RAB11FIP3: variants seen among roughly 807,000 people sequenced by gnomAD.
The protein encoded by RAB11FIP3 is rab11 family-interacting protein 3.
RAB11FIP3 carries 17 observed loss-of-function variants against 77.8 expected under a neutral mutation model. That is an observed-to-expected ratio of 0.22 (90% confidence interval 0.15 to 0.33). The LOEUF (loss-of-function observed/expected upper bound fraction) is 0.33, where lower values mean the gene tolerates loss of function less well. Among genes scored for constraint, RAB11FIP3 ranks in the 10% least tolerant of loss-of-function variants. RAB11FIP3 has a pLI of 1.00. For synonymous variants in RAB11FIP3, 437 were observed against 448.2 expected, an observed-to-expected ratio of 0.98 and a Z score of 0.31; for missense variants, 1,005 against 1,011.2, an observed-to-expected ratio of 0.99 and a Z score of 0.08.
chr16:444,263 G>C (rs971053399), intron 1 of RAB11FIP3, among the ~76,000 whole-genome samples: 4 of 152,162 alleles, frequency 2.6e-5, no homozygotes, highest in African/African-American at 9.7e-5. Context: ...AAAGAACATG[G>C]AAATGCCTAC....
intron 7 of RAB11FIP3, among the ~76,000 whole-genome samples, chr16:503,376 A>G (rs1596287750): frequency 6.6e-6 from 1 of 151,932 alleles, no homozygotes. Flanking sequence ...CGGGTATCCC[A>G]CCCCCACTGT....
At chr16:444,637 C>T (rs2055280702) in intron 1 of RAB11FIP3, among the ~76,000 whole-genome samples, 1 of 151,042 alleles carries the variant, frequency 6.6e-6, no homozygotes, top group Admixed American at 6.6e-5. Context: ...TACTTGAGGT[C>T]AGGAGTTCGA....
chr16:463,748 T>C (rs1567371699), intron 2 of RAB11FIP3, among the ~76,000 whole-genome samples: 1 of 152,112 alleles, frequency 6.6e-6, no homozygotes, highest in Non-Finnish European at 1.5e-5. Context: ...TGTTCCCCAT[T>C]TGTTACTCTT....
rs534692553 is a variant in RAB11FIP3, at chr16:514,225, G to A, written c.1640+3425G>A. Among the ~76,000 whole-genome samples, 20 of 152,356 alleles carry A rather than the reference G, an allele frequency of 1.3e-4. No homozygotes were observed. The highest frequency in any genetic ancestry group is 6.2e-4 in the South Asian group (3 of 4,828). ...TGTGGTTCTCAGGGCTGCTCAGGCC[G>A]TCAGAGGCCCCTGCAGCCCCAGGTC... On this transcript the variant is annotated intron_variant, in intron 9 of 13. Transcript: ENST00000262305. This position sits in a 1 kb window ranked among gnomAD's most constrained non-coding sequence, Gnocchi z 4.6.
intron 8 of RAB11FIP3, among the ~76,000 whole-genome samples, chr16:508,714 C>T (rs771125202): frequency 8.5e-5 from 13 of 152,144 alleles, no homozygotes; most frequent in Non-Finnish European, 1.3e-4. Context: ...CGTCCTTTCG[C>T]TGTGGGAAGA....
chr16:519,691 G>C, intron 10 of RAB11FIP3, 63 bp from the exon 11 acceptor site: 2 of 1,574,896 alleles, frequency 1.3e-6, no homozygotes, highest in Non-Finnish European at 1.7e-6. Flanking sequence ...CAGACGGCCG[G>C]GGCAAGCTGC....
At chr16:496,229 C>G (rs2031115443) in intron 5 of RAB11FIP3, among the ~76,000 whole-genome samples, 1 of 152,174 alleles carries the variant, frequency 6.6e-6, no homozygotes, top group Admixed American at 6.5e-5. Flanking sequence ...CTGTAAAATA[C>G]AACTTTGGAC....
intron 1 of RAB11FIP3, among the ~76,000 whole-genome samples, chr16:452,109 C>A (rs992038109): frequency 1.3e-5 from 2 of 152,052 alleles, no homozygotes; most frequent in Admixed American, 1.3e-4. Flanking sequence ...TGAGATCGCG[C>A]CACTGTACTC....
At chr16:495,339 C>T (rs76565567) in intron 5 of RAB11FIP3, among the ~76,000 whole-genome samples, 1 of 152,142 alleles carries the variant, frequency 6.6e-6, no homozygotes, top group Non-Finnish European at 1.5e-5. Flanking sequence ...CTGCAAACGG[C>T]GTGGTGGGGA....
chr16:498,491 T>A (rs1223897172), intron 6 of RAB11FIP3, among the ~76,000 whole-genome samples: 2 of 152,058 alleles, frequency 1.3e-5, no homozygotes, highest in Admixed American at 1.3e-4. Context: ...GAAAACTTTT[T>A]TCTTTTTGTT....
chr16:474,931 C>T (rs2055872913), intron 3 of RAB11FIP3: 3 of 1,545,962 alleles, frequency 1.9e-6, no homozygotes, highest in East Asian at 4.9e-5. Flanking sequence ...TTTGCAGAAA[C>T]CCCAGCATGA....
chr16:498,487 T>C (rs1359263919), intron 6 of RAB11FIP3, among the ~76,000 whole-genome samples: 2 of 152,062 alleles, frequency 1.3e-5, no homozygotes, highest in Admixed American at 1.3e-4. Context: ...GGATGAAAAC[T>C]TTTTTCTTTT....
chr16:516,632 T>C (rs1271128514), intron 9 of RAB11FIP3, among the ~76,000 whole-genome samples: 1 of 152,138 alleles, frequency 6.6e-6, no homozygotes, highest in Non-Finnish European at 1.5e-5. Flanking sequence ...ACCCCAGCAC[T>C]TTGGGAGGCC....
Position 426,231 on chromosome 16 carries a change from C to T in RAB11FIP3, c.225C>T (p.Ala75=). ...DGGARWSAGP[A]PGLEGGPRDP... is the part of the protein sequence containing the mutation. ...GGGCGCGTTGGAGCGCCGGGCCGGC[C>T]CCGGGGCTGGAGGGAGGCCCGCGAG... The change falls in exon 1 of 14, where the codon GCC becomes GCT. Residue 75 remains alanine (A), a synonymous_variant. Coordinates refer to ENST00000262305, the MANE Select transcript of RAB11FIP3 (RefSeq NM_014700.4). The surrounding 1 kb of genome is among the most constrained non-coding windows in gnomAD (Gnocchi z 5.0). 9.5e-7 allele frequency: 1 copy of T among 1,052,916 alleles called. No individual in the cohort carries two copies. Among genetic ancestry groups the T allele is most frequent in the Non-Finnish European group, 1.1e-6 (1 of 875,406 alleles). 65.2% of individuals were successfully genotyped at this position (1,052,916 alleles called of 1,614,324 possible). A position where few individuals can be genotyped will look rare whatever the true frequency, so the allele number is the denominator to read the frequency against.
chr16:461,637 C>G lies in RAB11FIP3; in HGVS notation c.808+140C>G. On this transcript the variant is annotated intron_variant, in intron 2 of 13. Coordinates refer to ENST00000262305, the MANE Select transcript of RAB11FIP3 (RefSeq NM_014700.4). The surrounding 1 kb of genome is among the most constrained non-coding windows in gnomAD (Gnocchi z 4.5). ...GAAGCCCCCAACATACCCCAGGTTT[C>G]CAGGTGGTCTCTTTCCTTTCTTGTT... is the stretch of plus-strand genomic sequence containing the variant. 1.6e-6 allele frequency: 1 copy of G among 634,222 alleles called. No homozygotes were observed. The highest frequency in any genetic ancestry group is 2.7e-6 in the Non-Finnish European group (1 of 372,078). 39.3% of individuals were successfully genotyped at this position (634,222 alleles called of 1,614,324 possible).
intron 1 of RAB11FIP3, among the ~76,000 whole-genome samples, chr16:438,444 C>G (rs559530356): frequency 7.6e-6 from 1 of 132,048 alleles, no homozygotes; most frequent in Non-Finnish European, 1.6e-5. Context: ...CTTGTTCTGT[C>G]ACCCAGGCTG....
At chr16:438,101 G>A (rs900762117) in intron 1 of RAB11FIP3, among the ~76,000 whole-genome samples, 2 of 150,630 alleles carry the variant, frequency 1.3e-5, no homozygotes, top group Admixed American at 6.6e-5. Context: ...CAGCCACTGC[G>A]CCTGGCCTTC....
Position 520,185 on chromosome 16 carries a change from C to G in RAB11FIP3, c.1924C>G (p.Arg642Gly). ...LQLLKLEAEQ[R>G]RGRSSSMGLQ... ...GCTCCTCAAGCTGGAGGCCGAGCAG[C>G]GGCGGGGCCGCAGCAGCAGCATGGG... Residue 642 changes from arginine to glycine, a missense_variant, in exon 12 of 14, where the codon CGG becomes GGG. This residue lies in a region of RAB11FIP3 where 433 missense variants were observed against 436.1 expected (regional missense o/e 0.99). Transcript: ENST00000262305. The G allele has an allele frequency of 6.5e-7, 1 of 1,545,392 alleles. No individual in the cohort carries two copies. The highest frequency in any genetic ancestry group is 1.8e-4 in the Middle Eastern group (1 of 5,702).
chr16:479,329 C>CT (rs2055985924), intron 3 of RAB11FIP3, among the ~76,000 whole-genome samples: 1 of 151,782 alleles, frequency 6.6e-6, no homozygotes, highest in African/African-American at 2.4e-5. Context: ...GAGTTTGAAG[C>CT]TGCAGTGAGC....
Sources: gnomAD v4.1 joint callset for allele counts (sites outside exome capture counted in the v4.1 genomes callset) on GRCh38, gnomAD v4.1.1 for gene constraint, gnomAD v4.1.1 regional missense constraint, Gnocchi (gnomAD v3.1) non-coding constraint, MANE v1.5 for transcripts, NCBI Gene and HGNC (gene_info 2026-07-23, HGNC 2026-07-21) for gene names.